The following SAMD5 variants were observed in gnomAD, a reference collection of about 807,000 sequenced individuals.
SAMD5 encodes sterile alpha motif domain containing 5.
A neutral mutation model predicts 11.3 loss-of-function variants in SAMD5; 13 were observed. The ratio of observed to expected loss-of-function variants is 1.15; its 90% CI spans 0.75 to 1.83. The LOEUF (loss-of-function observed/expected upper bound fraction) is 1.83. SAMD5 is among the 40% of genes most tolerant of loss of function. SAMD5 has a pLI of 0.00. For synonymous variants in SAMD5, 129 were observed against 111.3 expected (o/e 1.16, Z -1.00); for missense variants, 255 against 239.1 (o/e 1.07, Z -0.44).
At chr6:147,664,808 A>AG (rs1226812566) in intron 1 of SAMD5, among the ~76,000 whole-genome samples, 2 of 152,184 alleles carry the variant, frequency 1.3e-5, no homozygotes, top group Non-Finnish European at 1.5e-5. Flanking sequence ...AGAAAAAAAA[A>AG]TTCTAAAACA....
chr6:147,882,634 G>A, the SAMD5 span, among the ~76,000 whole-genome samples: 1 of 152,210 alleles, frequency 6.6e-6, no homozygotes, highest in Admixed American at 6.5e-5. Context: ...TTATTGTTAT[G>A]TAACCCTGGC....
the SAMD5 span, among the ~76,000 whole-genome samples, chr6:147,804,111 CTTTTTTTTTT>C: frequency 2.3e-5 from 3 of 132,150 alleles, no homozygotes; most frequent in Non-Finnish European, 3.2e-5. Context: ...TTGAAGATAT[CTTTTTTTTTT>C]TTTTTTTTGA....
chr6:147,863,814 T>A, the SAMD5 span, among the ~76,000 whole-genome samples: 2 of 150,480 alleles, frequency 1.3e-5, no homozygotes, highest in Non-Finnish European at 3.0e-5. Flanking sequence ...TTTCTTTTCA[T>A]CATTTCACTT....
At chr6:147,736,379 GT>G (rs2128460414) in intron 1 of SAMD5, among the ~76,000 whole-genome samples, 1 of 152,132 alleles carries the variant, frequency 6.6e-6, no homozygotes, top group African/African-American at 2.4e-5. Flanking sequence ...TTAAAATACT[GT>G]CAAAACTTTC....
chr6:147,877,318 G>T, the SAMD5 span, among the ~76,000 whole-genome samples: 1 of 152,088 alleles, frequency 6.6e-6, no homozygotes, highest in African/African-American at 2.4e-5. Context: ...TGTAATCAAA[G>T]AAATTCCAGG....
intron 1 of SAMD5, among the ~76,000 whole-genome samples, chr6:147,680,282 A>G (rs912034630): frequency 1.1e-4 from 16 of 152,080 alleles, no homozygotes; most frequent in Non-Finnish European, 2.9e-5. Flanking sequence ...TTGGAATTAC[A>G]TATTTTGATG....
At chr6:147,868,720 A>C in the SAMD5 span, among the ~76,000 whole-genome samples, 1 of 152,218 alleles carries the variant, frequency 6.6e-6, no homozygotes, top group Admixed American at 6.6e-5. Context: ...TGGTTTTAAA[A>C]AGCATTTAAC....
chr6:147,839,541 G>A, the SAMD5 span, among the ~76,000 whole-genome samples: 1 of 152,112 alleles, frequency 6.6e-6, no homozygotes, highest in Non-Finnish European at 1.5e-5. Context: ...CATGAAGTCG[G>A]GAGTTCGAGA....
At chr6:147,834,148 A>G in the SAMD5 span, among the ~76,000 whole-genome samples, 2 of 152,252 alleles carry the variant, frequency 1.3e-5, no homozygotes, top group African/African-American at 4.8e-5. Flanking sequence ...AGAGTTTAAA[A>G]TAATTTATAA....
the SAMD5 span, among the ~76,000 whole-genome samples, chr6:147,939,531 C>A: frequency 6.6e-6 from 1 of 152,202 alleles, no homozygotes; most frequent in South Asian, 2.1e-4. Context: ...CATTAGGAAG[C>A]TGTATGCCAG....
rs1789083371 is a variant in SAMD5 at position 147,568,684 on chromosome 6, CTA to C, written c.*4230_*4231del. ...ATGAGTTGTGCAGAGCAGAGCAAATCTATTAGGCTTTCTCTTTTAGAGTTTTC... is the reference window on the plus strand; with the variant it reads ...ATGAGTTGTGCAGAGCAGAGCAAATCTTAGGCTTTCTCTTTTAGAGTTTTC... On this transcript the variant is annotated 3_prime_UTR_variant, in exon 2 of 2. Coordinates refer to ENST00000367474, the MANE Select transcript of SAMD5 (RefSeq NM_001030060.3). The C allele has an allele frequency of 2.0e-6, 2 of 985,372 alleles. No individual in the cohort carries two copies. The highest frequency in any genetic ancestry group is 2.4e-6 in the Non-Finnish European group (2 of 829,880). The allele number at this position is 985,372 out of a possible 1,614,324, so 61.0% of individuals were successfully genotyped here.
the SAMD5 span, among the ~76,000 whole-genome samples, chr6:147,912,043 G>C: frequency 3.3e-5 from 5 of 152,204 alleles, no homozygotes; most frequent in African/African-American, 1.2e-4. Context: ...ATGAGGCCTA[G>C]ACTCAGACCT....
downstream of SAMD5, among the ~76,000 whole-genome samples, chr6:147,570,563 C>A (rs1562323616): frequency 6.6e-6 from 1 of 152,112 alleles, no homozygotes; most frequent in Non-Finnish European, 1.5e-5. Context: ...ACACAGTCAC[C>A]AGTCCCCAGA....
At chr6:147,900,084 G>A in the SAMD5 span, among the ~76,000 whole-genome samples, 1 of 152,194 alleles carries the variant, frequency 6.6e-6, no homozygotes, top group Non-Finnish European at 1.5e-5. Flanking sequence ...TCTCCATGAA[G>A]TCTTGAAGAC....
intron 1 of SAMD5, among the ~76,000 whole-genome samples, chr6:147,632,885 T>G (rs1347090185): frequency 6.6e-6 from 1 of 152,226 alleles, no homozygotes; most frequent in Non-Finnish European, 1.5e-5. Flanking sequence ...CATCTTAAAA[T>G]TAATGTAAGT....
At chr6:147,650,466 G>A (rs1029096624) in intron 1 of SAMD5, among the ~76,000 whole-genome samples, 2 of 152,242 alleles carry the variant, frequency 1.3e-5, no homozygotes, top group African/African-American at 2.4e-5. Context: ...TTGGTGGAAA[G>A]AAGAGGAGTA....
At chr6:147,521,379 T>C (rs982376847) in intron 1 of SAMD5, among the ~76,000 whole-genome samples, 9 of 152,110 alleles carry the variant, frequency 5.9e-5, no homozygotes, top group African/African-American at 1.9e-4. Flanking sequence ...GCACATATTT[T>C]TCCCAAACAT....
rs116099617 is a variant in SAMD5, at chr6:147,681,070, T to C, written c.163-56247T>C. 6.7e-3 allele frequency among the ~76,000 whole-genome samples: 1,014 copies of C among 152,292 alleles called. 11 individuals are homozygous for C. Among genetic ancestry groups the C allele is most frequent in the African/African-American group, 0.023 (970 of 41,568 alleles). On this transcript the variant is annotated intron_variant, in intron 1 of 1. Transcript: ENST00000566741. Reference sequence around the variant, plus strand: ...TGGAACATCTGTATAAAATTGGCATTACTTCTTCCTTAAGTGTTTAGTACA... The same window carrying C: ...TGGAACATCTGTATAAAATTGGCATCACTTCTTCCTTAAGTGTTTAGTACA...
chr6:147,627,780 C>T (rs1273130685), intron 1 of SAMD5, among the ~76,000 whole-genome samples: 5 of 152,042 alleles, frequency 3.3e-5, no homozygotes, highest in Admixed American at 1.3e-4. Flanking sequence ...GCATTGCTCG[C>T]CGTATACCTG....
Sources: allele counts gnomAD v4.1 joint callset (sites outside exome capture counted in the v4.1 genomes callset), GRCh38; gene constraint gnomAD v4.1.1; transcripts MANE v1.5; gene names NCBI Gene and HGNC (gene_info 2026-07-23, HGNC 2026-07-21).